The following CNTN4 variants were observed in gnomAD, a reference collection of about 807,000 sequenced individuals.
CNTN4 encodes contactin-4.
In CNTN4, 77 loss-of-function variants were observed where a neutral mutation model predicts 122.5. The ratio of observed to expected loss-of-function variants is 0.63; its 90% CI spans 0.52 to 0.76. CNTN4 has a LOEUF of 0.76. CNTN4 is among the 30% of genes least tolerant of loss of function. The pLI is 0.00. For missense variants in CNTN4, 1,256 were observed against 1,259.1 expected, an observed-to-expected ratio of 1.00 and a Z score of 0.04; for synonymous variants, 512 against 447.0, an observed-to-expected ratio of 1.15 and a Z score of -1.83.
chr3:2,736,237 G>A lies in CNTN4; in HGVS notation c.78G>A (p.Pro26=), dbSNP rs375343574. ...CAGATGATTCCACACTGCATGGCCC[G>A]ATTTTTATTCAAGAACCAAGTCCTG... is the stretch of plus-strand genomic sequence containing the variant. ...CLADDSTLHG[P]IFIQEPSPVM... The change falls in exon 5 of 25, where the codon CCG becomes CCA. Residue 26 remains proline (P), a synonymous_variant. Transcript: ENST00000418658. 104 of 1,613,312 alleles carry A rather than the reference G, an allele frequency of 6.4e-5. No individual in the cohort carries two copies. Among genetic ancestry groups the A allele is most frequent in the Admixed American group, 8.3e-5 (5 of 59,968 alleles).
At chr3:2,555,630 G>C (rs943159959) in intron 3 of CNTN4, among the ~76,000 whole-genome samples, 1 of 152,176 alleles carries the variant, frequency 6.6e-6, no homozygotes, top group Admixed American at 6.5e-5. Flanking sequence ...GCTAATCACA[G>C]AAGGGAAGAG....
At position 3,040,093 on chromosome 3, in the gene CNTN4, G is replaced by T. The variant is rs756748393; in HGVS notation, c.2220G>T (p.Arg740=). The T allele has an allele frequency of 1.2e-6, 2 of 1,614,208 alleles. No individual in the cohort carries two copies. The highest frequency in any genetic ancestry group is 2.2e-5 in the South Asian group (2 of 91,092). The change falls in exon 20 of 25, where the codon CGG becomes CGT. Residue 740 remains arginine, a synonymous_variant. Coordinates refer to ENST00000418658, the MANE Select transcript of CNTN4 (RefSeq NM_175607.3). ...GCTTTGGTTATGTGGTGGCCTTCCG[G>T]CCCTACGGTAAAATGATCTGGATGC... ...GRGFGYVVAF[R]PYGKMIWMLT... is the part of the protein sequence containing the mutation.
At chr3:2,613,859 C>G in intron 4 of CNTN4, among the ~76,000 whole-genome samples, 1 of 152,112 alleles carries the variant, frequency 6.6e-6, no homozygotes, top group East Asian at 1.9e-4. Context: ...CATTGAGTTT[C>G]TTTCTGTTCC....
chr3:2,681,582 A>G (rs1028810023), intron 4 of CNTN4, among the ~76,000 whole-genome samples: 1 of 152,106 alleles, frequency 6.6e-6, no homozygotes, highest in Admixed American at 6.6e-5. Context: ...CTAGATATGT[A>G]GGTTGTACCT....
chr3:2,170,212 CG>C (rs2036431190), intron 2 of CNTN4, among the ~76,000 whole-genome samples: 1 of 151,244 alleles, frequency 6.6e-6, no homozygotes, highest in Non-Finnish European at 1.5e-5. Flanking sequence ...CCCAGCTACT[CG>C]GGAGGCTGAG....
intron 12 of CNTN4, among the ~76,000 whole-genome samples, chr3:2,910,543 C>G (rs1358760782): frequency 6.6e-6 from 1 of 152,144 alleles, no homozygotes; most frequent in East Asian, 1.9e-4. Context: ...TTATTTTTCT[C>G]TTTGCCCAGT....
At chr3:2,576,007 T>C (rs988516411) in intron 4 of CNTN4, among the ~76,000 whole-genome samples, 4 of 151,832 alleles carry the variant, frequency 2.6e-5, no homozygotes, top group African/African-American at 9.7e-5. Context: ...GCTAATTTTT[T>C]TGTATTTTTA....
chr3:3,039,143 C>A (rs1163951368), intron 19 of CNTN4, 140 bp downstream of exon 19: 5 of 750,698 alleles, frequency 6.7e-6, no homozygotes, highest in Admixed American at 4.1e-5. Context: ...CTCCCTCTCA[C>A]GTAGCTAATG....
chr3:2,800,260 C>T (rs951597115), intron 6 of CNTN4, among the ~76,000 whole-genome samples: 1 of 152,018 alleles, frequency 6.6e-6, no homozygotes, highest in Non-Finnish European at 1.5e-5. Flanking sequence ...AATGCCTTTT[C>T]GTCATTGTGC....
At chr3:2,485,095 G>A (rs2076114571) in intron 3 of CNTN4, among the ~76,000 whole-genome samples, 1 of 152,214 alleles carries the variant, frequency 6.6e-6, no homozygotes, top group Non-Finnish European at 1.5e-5. Flanking sequence ...AGCAGTGCCG[G>A]CCGGCCAGTG....
intron 3 of CNTN4, among the ~76,000 whole-genome samples, chr3:2,468,315 C>T (rs1023477665): frequency 3.3e-5 from 5 of 152,042 alleles, no homozygotes; most frequent in East Asian, 3.9e-4. Context: ...CATGAAATTG[C>T]GTGTTCCATG....
rs1044161059 is a variant in CNTN4, at chr3:2,427,374, G to C, written c.-89+88141G>C. Among the ~76,000 whole-genome samples, 101 of 152,158 alleles carry C rather than the reference G, an allele frequency of 6.6e-4. 3 individuals are homozygous for C. Among genetic ancestry groups the C allele is most frequent in the Non-Finnish European group, 2.1e-4 (14 of 68,028 alleles). ...CAGGTTGCTCAGTTTCCATGTAGTT[G>C]AGCAGTTTTGAGTGAGTTTCTTAAT... On this transcript the variant is annotated intron_variant, in intron 3 of 24. Coordinates refer to ENST00000418658, the MANE Select transcript of CNTN4 (RefSeq NM_175607.3).
chr3:2,801,968 A>G (rs1368491379), intron 6 of CNTN4, among the ~76,000 whole-genome samples: 1 of 152,218 alleles, frequency 6.6e-6, no homozygotes, highest in Non-Finnish European at 1.5e-5. Flanking sequence ...TCTATTTGCT[A>G]AAAATAAGTA....
chr3:3,002,403 A>C (rs746239327), intron 14 of CNTN4, among the ~76,000 whole-genome samples: 1 of 152,216 alleles, frequency 6.6e-6, no homozygotes, highest in Non-Finnish European at 1.5e-5. Context: ...CTAGGGACGA[A>C]TATAATTCAG....
intron 4 of CNTN4, among the ~76,000 whole-genome samples, chr3:2,656,427 T>C (rs1013189978): frequency 6.6e-6 from 1 of 152,228 alleles, no homozygotes; most frequent in African/African-American, 2.4e-5. Context: ...AGAGCATGTT[T>C]CACCAACTGT....
chr3:2,915,495 C>T (rs55815184), intron 12 of CNTN4, among the ~76,000 whole-genome samples: 63,154 of 151,798 alleles, frequency 0.42, 13,465 homozygotes, highest in East Asian at 0.64. Context: ...TATTTATTTA[C>T]TTACTTATTC....
At chr3:2,430,697 T>A (rs570711817) in intron 3 of CNTN4, among the ~76,000 whole-genome samples, 1 of 152,182 alleles carries the variant, frequency 6.6e-6, no homozygotes, top group South Asian at 2.1e-4. Flanking sequence ...ATGATTTACT[T>A]ATAACTGTTG....
At position 2,733,340 on chromosome 3, in the gene CNTN4, G is replaced by C. The variant is rs181438790; in HGVS notation, c.56-2875G>C. Among the ~76,000 whole-genome samples the C allele has an allele frequency of 2.2e-4, 33 of 152,240 alleles. No individual in the cohort carries two copies. In the East Asian group the frequency reaches 6.2e-3, roughly 29 times the overall value. On this transcript the variant is annotated intron_variant, in intron 4 of 24. Coordinates refer to ENST00000418658, the MANE Select transcript of CNTN4 (RefSeq NM_175607.3). ...TATTAGTGATCTTGACGAATAACAT[G>C]TTTCATTTACCTAGATGTGCCAAAA...
intron 2 of CNTN4, among the ~76,000 whole-genome samples, chr3:2,176,793 TAAAG>T (rs2036766316): frequency 2.0e-5 from 3 of 152,058 alleles, no homozygotes; most frequent in Admixed American, 2.0e-4. Flanking sequence ...AAATATGAAA[TAAAG>T]AAACTATACT....
Sources: gnomAD v4.1 joint callset for allele counts (sites outside exome capture counted in the v4.1 genomes callset) on GRCh38, gnomAD v4.1.1 for gene constraint, MANE v1.5 for transcripts, NCBI Gene and HGNC (gene_info 2026-07-23, HGNC 2026-07-21) for gene names.